The following SKOR2 variants were observed in gnomAD, a reference collection of about 807,000 sequenced individuals.
The protein encoded by SKOR2 is LBX1 corepressor 1-like protein.
A neutral mutation model predicts 69.1 loss-of-function variants in SKOR2; 47 were observed. The ratio of observed to expected loss-of-function variants is 0.68; its 90% confidence interval spans 0.54 to 0.87. The LOEUF is 0.87. Among genes scored for constraint, SKOR2 ranks in the 40% least tolerant of loss-of-function variants. SKOR2 has a pLI of 0.00. For missense variants in SKOR2, 1,404 were observed against 1,472.2 expected (o/e 0.95, Z 0.76); for synonymous variants, 717 against 672.6 (o/e 1.07, Z -1.02).
chr18:47,226,773 C>G (rs1241192084), intron 6 of SKOR2, among the ~76,000 whole-genome samples: 2 of 152,192 alleles, frequency 1.3e-5, no homozygotes, highest in African/African-American at 4.8e-5. Flanking sequence ...TCATTTGTCA[C>G]TATGCTAAGC....
chr18:47,237,978 G>T (rs763270028), intron 4 of SKOR2, among the ~76,000 whole-genome samples: 7 of 152,056 alleles, frequency 4.6e-5, no homozygotes, highest in Non-Finnish European at 8.8e-5. Flanking sequence ...GTACCAGGCT[G>T]CCCCCAGTCA....
In SKOR2 at chr18:47,235,799, AAAC is replaced by A. The variant is rs1382605844; in HGVS notation, c.2753-4802_2753-4800del. On this transcript the variant is annotated intron_variant, in intron 4 of 8. Transcript: ENST00000425639. ...AACAAGCAAAAAAAAAAAAAAAAAA[AAAC>A]AGCCAACAGATTCAATAGCACTAGC... Among the ~76,000 whole-genome samples, 13 of 151,554 alleles carry A rather than the reference AAAC, an allele frequency of 8.6e-5. No homozygotes were observed. In the East Asian group the frequency reaches 1.5e-3, roughly 18 times the overall value.
At chr18:47,217,180 G>A (rs1600025974) in intron 7 of SKOR2, among the ~76,000 whole-genome samples, 1 of 152,308 alleles carries the variant, frequency 6.6e-6, no homozygotes, top group East Asian at 1.9e-4. Flanking sequence ...GCTTACACCT[G>A]TAATAGTTCC....
intron 6 of SKOR2, among the ~76,000 whole-genome samples, chr18:47,227,350 T>G (rs1189787960): frequency 6.9e-6 from 1 of 144,026 alleles, no homozygotes; most frequent in African/African-American, 2.6e-5. Flanking sequence ...TTTTTTTTTT[T>G]TTTTGGAGAC....
At chr18:47,234,607 T>A (rs894446746) in intron 4 of SKOR2, 19 of 152,150 alleles carry the variant, frequency 1.2e-4, no homozygotes, top group African/African-American at 4.6e-4. Flanking sequence ...ATGTGTATAA[T>A]CCCAGCACTT....
In SKOR2 at chr18:47,246,861, C is replaced by T; in HGVS notation, c.2323G>A (p.Val775Ile). ...DDEEEDEETEVLLGDPLVGGG... is the reference protein window; with the variant it reads ...DDEEEDEETEILLGDPLVGGG... ...CCGACTAAGGGGTCGCCGAGTAGGA[C>T]CTCCGTCTCCTCGTCCTCTTCCTCG... The change falls in exon 2 of 9, where the codon GTC becomes ATC. Residue 775 changes from valine (V) to isoleucine (I), a missense_variant. Coordinates refer to ENST00000425639, the MANE Select transcript of SKOR2 (RefSeq NM_001278063.4). The T allele has an allele frequency of 6.7e-7, 1 of 1,491,322 alleles. No homozygotes were observed. The highest frequency in any genetic ancestry group is 2.8e-5 in the East Asian group (1 of 35,644). The allele number at this position is 1,491,322 out of a possible 1,614,324, so 92.4% of individuals were successfully genotyped here.
At chr18:47,212,957 C>G (rs1375780342) in intron 7 of SKOR2, among the ~76,000 whole-genome samples, 1 of 152,128 alleles carries the variant, frequency 6.6e-6, no homozygotes, top group African/African-American at 2.4e-5. Flanking sequence ...GAGCAAGACC[C>G]CTTCTCTCTC....
intron 2 of SKOR2, 120 bp downstream of exon 2, chr18:47,246,451 A>G (rs980996997): frequency 8.6e-6 from 11 of 1,274,210 alleles, no homozygotes; most frequent in Non-Finnish European, 1.0e-5. Flanking sequence ...CACACTGAAT[A>G]TTTCATTTCT....
At chr18:47,243,161 G>T (rs1276289356) in intron 4 of SKOR2, among the ~76,000 whole-genome samples, 1 of 152,164 alleles carries the variant, frequency 6.6e-6, no homozygotes, top group Non-Finnish European at 1.5e-5. Flanking sequence ...TTCTCTAAGT[G>T]CTCATTGGTC....
chr18:47,211,590 T>C (rs978821799), intron 8 of SKOR2, among the ~76,000 whole-genome samples: 5 of 152,212 alleles, frequency 3.3e-5, no homozygotes, highest in Non-Finnish European at 7.3e-5. Flanking sequence ...AAACTATTAT[T>C]GGTTTAGGGA....
chr18:47,245,423 G>T, intron 3 of SKOR2, 75 bp downstream of exon 3: 1 of 1,326,676 alleles, frequency 7.5e-7, no homozygotes, highest in East Asian at 2.6e-5. Context: ...AGGTGAGGAG[G>T]CTGGGCATAA....
chr18:47,207,859 T>A (rs1243584896), intron 8 of SKOR2, among the ~76,000 whole-genome samples: 1 of 152,102 alleles, frequency 6.6e-6, no homozygotes, highest in Non-Finnish European at 1.5e-5. Flanking sequence ...TTCCAGACTC[T>A]CCAGAAAGAT....
rs1405736103 is a variant in SKOR2 at position 47,247,241 on chromosome 18, TG to T, written c.1942del (p.His648ThrfsTer134). The T allele has an allele frequency of 6.8e-7, 1 of 1,465,762 alleles. No homozygotes were observed. Among genetic ancestry groups the T allele is most frequent in the South Asian group, 1.3e-5 (1 of 77,390 alleles). The allele number at this position is 1,465,762 out of a possible 1,614,324, so 90.8% of individuals were successfully genotyped here. On this transcript the variant is annotated frameshift_variant, in exon 2 of 9. Coordinates refer to ENST00000425639, the MANE Select transcript of SKOR2 (RefSeq NM_001278063.4). LOFTEE classifies it high-confidence loss of function. This position sits in a 1 kb window ranked among gnomAD's most constrained non-coding sequence, Gnocchi z 6.6. ...GTGGTGGGGATGCGTCTGGGCCGAG[TG>T]GGGCGCGCCCGCCGACGCCCCGTGC... is the stretch of plus-strand genomic sequence containing the variant. Reference protein sequence around the residue: ...KLHGASAGAPHSAQTHPHHHH... With the variant: ...KLHGASAGAPXSAQTHPHHHH...
chr18:47,224,951 T>C (rs556435173), intron 6 of SKOR2, among the ~76,000 whole-genome samples: 2 of 152,058 alleles, frequency 1.3e-5, no homozygotes, highest in Non-Finnish European at 2.9e-5. Flanking sequence ...TTCATAGCCA[T>C]CTTCTACTGA....
At position 47,206,230 on chromosome 18, in the gene SKOR2, CAG is replaced by C. The variant is rs2064112689; in HGVS notation, c.*664_*665del. ...CACATGAATGTTAAAGAAACTACAA[CAG>C]AGTTAAATGCCATTTTTGATAACAT... On this transcript the variant is annotated 3_prime_UTR_variant, in exon 9 of 9. Transcript: ENST00000425639. 2 of 152,178 alleles carry C rather than the reference CAG, an allele frequency of 1.3e-5. No individual in the cohort carries two copies. The highest frequency in any genetic ancestry group is 3.9e-4 in the East Asian group (2 of 5,186). The allele number at this position is 152,178 out of a possible 1,614,324, so 9.4% of individuals were successfully genotyped here.
At chr18:47,209,824 G>A (rs1046536668) in intron 8 of SKOR2, among the ~76,000 whole-genome samples, 1 of 152,134 alleles carries the variant, frequency 6.6e-6, no homozygotes, top group South Asian at 2.1e-4. Context: ...TTCTAAGGCT[G>A]GGCATGGCTG....
chr18:47,231,276 C>T (rs1568086794), intron 4 of SKOR2: 1 of 1,061,126 alleles, frequency 9.4e-7, no homozygotes, highest in African/African-American at 1.6e-5. Flanking sequence ...CCCCTACCGC[C>T]ATCCATCTTT....
chr18:47,246,825 A>G lies in SKOR2; in HGVS notation c.2359T>C (p.Phe787Leu). Residue 787 changes from phenylalanine (F) to leucine (L), a missense_variant, in exon 2 of 9, where the codon TTC becomes CTC. This residue lies in a region of SKOR2 where 1,266 missense variants were observed against 1,309.9 expected (regional missense o/e 0.97). Coordinates refer to ENST00000425639, the MANE Select transcript of SKOR2 (RefSeq NM_001278063.4). Reference protein sequence around the residue: ...LGDPLVGGGRFLQGRGPSEKG... With the variant: ...LGDPLVGGGRLLQGRGPSEKG... Reference sequence around the variant, plus strand: ...TCCGACGGCCCTCGGCCCTGGAGGAACCGGCCGCCCCCGACTAAGGGGTCG... The same window carrying G: ...TCCGACGGCCCTCGGCCCTGGAGGAGCCGGCCGCCCCCGACTAAGGGGTCG... 6.9e-7 allele frequency: 1 copy of G among 1,457,254 alleles called. No individual in the cohort carries two copies. The highest frequency in any genetic ancestry group is 1.5e-5 in the African/African-American group (1 of 67,722). 90.3% of individuals were successfully genotyped at this position (1,457,254 alleles called of 1,614,324 possible).
At chr18:47,250,377 A>G (rs561237254) in intron 1 of SKOR2, among the ~76,000 whole-genome samples, 7 of 152,368 alleles carry the variant, frequency 4.6e-5, no homozygotes, top group African/African-American at 1.7e-4. Flanking sequence ...AGAACAAGGA[A>G]GCGGAAAGAA....
Sources: allele counts gnomAD v4.1 joint callset (sites outside exome capture counted in the v4.1 genomes callset), GRCh38; gene constraint gnomAD v4.1.1; regional missense constraint gnomAD v4.1.1; non-coding constraint Gnocchi (gnomAD v3.1); transcripts MANE v1.5; gene names NCBI Gene and HGNC (gene_info 2026-07-23, HGNC 2026-07-21).